Variants in HMCN1 observed in about 807,000 individuals in gnomAD.
The protein encoded by HMCN1 is hemicentin 1.
HMCN1 carries 321 observed loss-of-function variants against 625.9 expected under a neutral mutation model. The ratio of observed to expected loss-of-function variants is 0.51; its 90% CI spans 0.47 to 0.56. HMCN1 has a LOEUF of 0.56. Among genes scored for constraint, HMCN1 ranks in the 20% least tolerant of loss-of-function variants. The pLI, the probability that HMCN1 is intolerant of heterozygous loss-of-function variation, is 0.00. For missense variants in HMCN1, 6,588 were observed against 6,887.3 expected (o/e 0.96, Z 1.54); for synonymous variants, 2,425 against 2,417.6 (o/e 1.00, Z -0.09).
rs1484789626 is a variant in HMCN1, at chr1:186,166,236, C to A, written c.15372C>A (p.Ala5124=). ...CCTGCTCCCATAGCTGCCACAATGCCATGGGGACTTACTACTGCTCCTGCC... is the reference window on the plus strand; with the variant it reads ...CCTGCTCCCATAGCTGCCACAATGCAATGGGGACTTACTACTGCTCCTGCC... The part of the protein sequence containing the change: ...GNPCSHSCHN[A]MGTYYCSCPK... Residue 5124 remains alanine (A), a synonymous_variant, in exon 99 of 107, where the codon GCC becomes GCA. Coordinates refer to ENST00000271588, the MANE Select transcript of HMCN1 (RefSeq NM_031935.3). 2 of 1,613,960 alleles carry A rather than the reference C, an allele frequency of 1.2e-6. No homozygotes were observed. The highest frequency in any genetic ancestry group is 3.3e-5 in the Admixed American group (2 of 60,006).
rs1558194992 is a variant in HMCN1 at position 186,070,655 on chromosome 1, T to G, written c.8037T>G (p.Leu2679=). The G allele has an allele frequency of 6.2e-7, 1 of 1,613,220 alleles. No individual in the cohort carries two copies. The highest frequency in any genetic ancestry group is 8.5e-7 in the Non-Finnish European group (1 of 1,179,214). Residue 2679 remains leucine, a synonymous_variant, in exon 52 of 107, where the codon CTT becomes CTG. Transcript: ENST00000271588. ...AAGGGGACCTTTGGGGGCCAGGTCT[T>G]TCCCCTAAAGAAGTGAAGATCAAAG... is the stretch of plus-strand genomic sequence containing the variant. ...INKGDLWGPG[L]SPKEVKIKVN...
intron 93 of HMCN1, among the ~76,000 whole-genome samples, chr1:186,148,388 C>T (rs928581728): frequency 3.9e-5 from 6 of 152,210 alleles, no homozygotes; most frequent in Admixed American, 1.3e-4. Context: ...TTTTGACCTC[C>T]TTCCACAGAC....
At position 186,093,199 on chromosome 1, in the gene HMCN1, CAT is replaced by C. The variant is rs781026208; in HGVS notation, c.9954_9955del (p.Val3320CysfsTer3). On this transcript the variant is annotated frameshift_variant, in exon 65 of 107. Transcript: ENST00000271588. LOFTEE classifies it high-confidence loss of function. ...CTTACATCTGACACGGGGAAATACA[CAT>C]GTGTTGCTACTAATCCCGCTGGAGA... is the stretch of plus-strand genomic sequence containing the variant. 3 of 1,613,156 alleles carry C rather than the reference CAT, an allele frequency of 1.9e-6. No homozygotes were observed. The highest frequency in any genetic ancestry group is 1.6e-4 in the Middle Eastern group (1 of 6,078).
At chr1:186,091,567 G>A (rs1436744226) in intron 64 of HMCN1, among the ~76,000 whole-genome samples, 7 of 151,902 alleles carry the variant, frequency 4.6e-5, no homozygotes, top group Non-Finnish European at 7.4e-5. Flanking sequence ...TTTTCAGCTG[G>A]CACTTGCTAC....
intron 2 of HMCN1, among the ~76,000 whole-genome samples, chr1:185,858,274 T>C (rs187734103): frequency 1.3e-5 from 2 of 152,330 alleles, no homozygotes; most frequent in Admixed American, 1.3e-4. Flanking sequence ...AGAAAAGTAC[T>C]GATTAAATCA....
At position 186,117,471 on chromosome 1, in the gene HMCN1, T is replaced by C. The variant is rs1267554260; in HGVS notation, c.11696T>C (p.Ile3899Thr). ...GTTGTTGTTTTAGTTCCACCTTCCA[T>C]AGCTGATGAGCCTACAGATTTCCTA... is the stretch of plus-strand genomic sequence containing the variant. ...VDLTVQVPPS[I>T]ADEPTDFLVT... The change falls in exon 77 of 107, where the codon ATA becomes ACA. Residue 3899 changes from isoleucine (I) to threonine (T), a missense_variant. Transcript: ENST00000271588. The C allele has an allele frequency of 1.9e-6, 3 of 1,613,672 alleles. No individual in the cohort carries two copies. Among genetic ancestry groups the C allele is most frequent in the African/African-American group, 1.3e-5 (1 of 74,894 alleles).
intron 105 of HMCN1, among the ~76,000 whole-genome samples, chr1:186,184,498 C>T (rs1291726994): frequency 3.3e-5 from 5 of 152,076 alleles, no homozygotes; most frequent in Non-Finnish European, 7.4e-5. Flanking sequence ...TCAAGAATTG[C>T]CTAAGACACA....
intron 46 of HMCN1, among the ~76,000 whole-genome samples, chr1:186,061,274 G>A (rs1205962255): frequency 1.3e-5 from 2 of 152,128 alleles, no homozygotes; most frequent in Non-Finnish European, 2.9e-5. Context: ...GGCAGAAGGG[G>A]AAGCAGGCAC....
intron 1 of HMCN1, among the ~76,000 whole-genome samples, chr1:185,773,442 G>T (rs1325954982): frequency 2.0e-5 from 3 of 152,180 alleles, no homozygotes; most frequent in Admixed American, 1.3e-4. Flanking sequence ...TAAAGTAAGT[G>T]ATACACTTAT....
In HMCN1 at chr1:186,145,435, G is replaced by A; in HGVS notation, c.14299G>A (p.Gly4767Arg). 6.3e-7 allele frequency: 1 copy of A among 1,598,262 alleles called. No individual in the cohort carries two copies. The highest frequency in any genetic ancestry group is 1.7e-5 in the Admixed American group (1 of 58,870). The change falls in exon 92 of 107, where the codon GGA (glycine) becomes AGA (arginine). Residue 4767 changes from glycine (G) to arginine (R), a missense_variant. Physicochemically the swap from Gly to Arg is moderately radical, Grantham distance 125. Coordinates refer to ENST00000271588, the MANE Select transcript of HMCN1 (RefSeq NM_031935.3). ...TAACTGGAGTCCTTGGAGTGGCTGG[G>A]GAACATGCAGCCGGACGTGTAACGG... is the stretch of plus-strand genomic sequence containing the variant. ...HGNWSPWSGW[G>R]TCSRTCNGGQ...
intron 50 of HMCN1, among the ~76,000 whole-genome samples, chr1:186,068,868 C>CAAAA (rs397862240): frequency 1.3e-4 from 10 of 76,750 alleles, no homozygotes; most frequent in Admixed American, 3.1e-4. Flanking sequence ...GACTCGGTCT[C>CAAAA]AAAAAAAAAA....
chr1:185,883,756 A>G (rs1664451103), intron 4 of HMCN1, among the ~76,000 whole-genome samples: 3 of 151,822 alleles, frequency 2.0e-5, no homozygotes, highest in African/African-American at 7.2e-5. Flanking sequence ...TAGTCATTCT[A>G]ATGTATTTTA....
At position 185,919,093 on chromosome 1, in the gene HMCN1, T is replaced by C. The variant is rs554092543; in HGVS notation, c.901-3286T>C. Among the ~76,000 whole-genome samples, 7 of 147,010 alleles carry C rather than the reference T, an allele frequency of 4.8e-5. No homozygotes were observed. In the South Asian group the frequency reaches 1.5e-3, roughly 31 times the overall value. ...TTAGGACATATATATATATATATAATTTTATTACATTTATAAAAAATTTAT... is the reference window on the plus strand; with the variant it reads ...TTAGGACATATATATATATATATAACTTTATTACATTTATAAAAAATTTAT... On this transcript the variant is annotated intron_variant, in intron 6 of 106. Transcript: ENST00000271588.
rs568381722 is a variant in HMCN1 at position 185,735,548 on chromosome 1, TGAAAA to T, written c.268+509_268+513del. ...GTAACTACTAGTGGAACTGAAGACATGAAAAGAAAAGAGAGAAACCAATCATTTCT... is the reference window on the plus strand; with the variant it reads ...GTAACTACTAGTGGAACTGAAGACATGAAAAGAGAGAAACCAATCATTTCT... On this transcript the variant is annotated intron_variant, in intron 1 of 106. Coordinates refer to ENST00000271588, the MANE Select transcript of HMCN1 (RefSeq NM_031935.3). 2.6e-3 allele frequency among the ~76,000 whole-genome samples: 392 copies of T among 152,252 alleles called. 3 individuals carry two copies. Among genetic ancestry groups the T allele is most frequent in the African/African-American group, 9.2e-3 (381 of 41,530 alleles).
intron 43 of HMCN1, 55 bp downstream of exon 43, chr1:186,053,129 G>T: frequency 3.4e-6 from 5 of 1,487,888 alleles, no homozygotes; most frequent in Non-Finnish European, 4.7e-6. Flanking sequence ...GATGGATATT[G>T]ATTTCGTTTA....
chr1:185,789,252 A>T (rs776936334), intron 1 of HMCN1, among the ~76,000 whole-genome samples: 2 of 152,200 alleles, frequency 1.3e-5, no homozygotes, highest in Non-Finnish European at 2.9e-5. Context: ...AGGAACAAGG[A>T]TGGAAGGGAG....
chr1:185,758,835 T>C (rs1473572428), intron 1 of HMCN1, among the ~76,000 whole-genome samples: 3 of 152,150 alleles, frequency 2.0e-5, no homozygotes, highest in African/African-American at 7.2e-5. Context: ...TTTTTTTTAA[T>C]TAGTTCCCAT....
At chr1:185,754,223 A>G (rs914754751) in intron 1 of HMCN1, among the ~76,000 whole-genome samples, 2 of 152,212 alleles carry the variant, frequency 1.3e-5, no homozygotes, top group African/African-American at 4.8e-5. Context: ...TCAAATTCAT[A>G]GGAACAGAGA....
At chr1:185,979,742 G>A (rs745315425) in intron 16 of HMCN1, among the ~76,000 whole-genome samples, 1 of 152,202 alleles carries the variant, frequency 6.6e-6, no homozygotes. Context: ...GGTTAGCAGA[G>A]GAGTAGAAAC....
Sources: allele counts gnomAD v4.1 joint callset (sites outside exome capture counted in the v4.1 genomes callset), GRCh38; gene constraint gnomAD v4.1.1; transcripts MANE v1.5; gene names NCBI Gene and HGNC (gene_info 2026-07-23, HGNC 2026-07-21).